Variants in NUAK2 observed in about 807,000 individuals in gnomAD.
NUAK2 encodes NUAK family SNF1-like kinase 2.
A neutral mutation model predicts 29.8 loss-of-function variants in NUAK2; 20 were observed. The observed-to-expected ratio is 0.67, with a 90% CI of 0.47 to 0.98. The LOEUF is 0.98. NUAK2 is among the 50% of genes least tolerant of loss of function. The probability of loss-of-function intolerance (pLI) is 0.00; values close to 1 mark genes in which losing one functional copy is unlikely to be tolerated. For synonymous variants in NUAK2, 331 were observed against 342.6 expected (o/e 0.97, Z 0.37); for missense variants, 719 against 834.5 (o/e 0.86, Z 1.71).
chr1:205,316,164 T>G (rs1049703639), intron 1 of NUAK2, among the ~76,000 whole-genome samples: 1 of 152,224 alleles, frequency 6.6e-6, no homozygotes, highest in Admixed American at 6.5e-5. Context: ...TTTGCCCCTA[T>G]AGAGCTATGC....
intron 1 of NUAK2, among the ~76,000 whole-genome samples, chr1:205,316,960 G>A (rs145935718): frequency 1.3e-5 from 2 of 152,210 alleles, no homozygotes; most frequent in Non-Finnish European, 2.9e-5. Flanking sequence ...CAGGACTGAA[G>A]ATGGAAGGAT....
chr1:205,308,712 T>A lies in NUAK2; in HGVS notation c.373A>T (p.Ile125Phe), dbSNP rs1662216802. ...CTGGCATACTCCATGACGATCACGATCTTGCTGCTGTTCTCAAACACTGGG... is the reference window on the plus strand; with the variant it reads ...CTGGCATACTCCATGACGATCACGAACTTGCTGCTGTTCTCAAACACTGGG... ...IHEVFENSSK[I>F]VIVMEYASRG... Residue 125 changes from isoleucine to phenylalanine, a missense_variant, in exon 3 of 7, where the codon ATC (isoleucine) becomes TTC (phenylalanine). By Grantham distance (21) the Ile-to-Phe change is conservative. This residue lies in a region of NUAK2 where 283 missense variants were observed against 345.6 expected (regional missense o/e 0.82). Transcript: ENST00000367157. The surrounding 1 kb of genome is among the most constrained non-coding windows in gnomAD (Gnocchi z 4.1). The A allele has an allele frequency of 1.2e-6, 2 of 1,614,062 alleles. No homozygotes were observed. The highest frequency in any genetic ancestry group is 1.7e-6 in the Non-Finnish European group (2 of 1,180,000).
Position 205,305,194 on chromosome 1 carries a change from C to T in NUAK2, c.823+5G>A. The T allele has an allele frequency of 1.2e-6, 2 of 1,613,474 alleles. No homozygotes were observed. Among genetic ancestry groups the T allele is most frequent in the Non-Finnish European group, 1.7e-6 (2 of 1,179,604 alleles). ...TGGATAAGAACGCCCACACCTCTTA[C>T]TCACCAGAGGGTTTAGGTGGCTCCC... On this transcript the variant is annotated splice_donor_5th_base_variant and intron_variant, in intron 6 of 6. Coordinates refer to ENST00000367157, the MANE Select transcript of NUAK2 (RefSeq NM_030952.3).
Position 205,308,662 on chromosome 1 carries a change from G to A in NUAK2, c.423C>T (p.Ile141=), listed in dbSNP as rs762896997. Residue 141 remains isoleucine (I), a synonymous_variant, in exon 3 of 7, where the codon ATC becomes ATT. Coordinates refer to ENST00000367157, the MANE Select transcript of NUAK2 (RefSeq NM_030952.3). The surrounding 1 kb of genome is among the most constrained non-coding windows in gnomAD (Gnocchi z 4.1). The part of the protein sequence containing the change: ...YASRGDLYDY[I]SERQQLSERE... ...GCTCACTGAGCTGCTGCCGCTCGCT[G>A]ATGTAGTCATAAAGGTCGCCCCGGC... 1.2e-6 allele frequency: 2 copies of A among 1,614,128 alleles called. No homozygotes were observed. The highest frequency in any genetic ancestry group is 1.7e-6 in the Non-Finnish European group (2 of 1,180,034).
At chr1:205,319,953 C>CACACACACA (rs1289345353) in intron 1 of NUAK2, among the ~76,000 whole-genome samples, 1,790 of 149,406 alleles carry the variant, frequency 0.012, 22 homozygotes, top group African/African-American at 0.017. Flanking sequence ...ACACACACAC[C>CACACACACA]CCCTCACAAC....
At chr1:205,311,554 C>T in intron 2 of NUAK2, 151 bp downstream of exon 2, 1 of 928,804 alleles carries the variant, frequency 1.1e-6, no homozygotes. Flanking sequence ...AGTCATACAG[C>T]TGAGTTTCAA....
Position 205,308,666 on chromosome 1 carries a change from T to C in NUAK2, c.419A>G (p.Tyr140Cys), listed in dbSNP as rs949442037. The C allele has an allele frequency of 8.7e-6, 14 of 1,614,136 alleles. No homozygotes were observed. The African/African-American group carries it at 1.3e-4, about 15-fold the overall frequency. The change falls in exon 3 of 7, where the codon TAC becomes TGC. Residue 140 changes from tyrosine (Y) to cysteine (C), a missense_variant. By Grantham distance (194) the Tyr-to-Cys change is radical (BLOSUM62 -2). Transcript: ENST00000367157. The surrounding 1 kb of genome is among the most constrained non-coding windows in gnomAD (Gnocchi z 4.1). ...ACTGAGCTGCTGCCGCTCGCTGATGTAGTCATAAAGGTCGCCCCGGCTGGC... is the reference window on the plus strand; with the variant it reads ...ACTGAGCTGCTGCCGCTCGCTGATGCAGTCATAAAGGTCGCCCCGGCTGGC... ...EYASRGDLYD[Y>C]ISERQQLSER... is the part of the protein sequence containing the mutation.
chr1:205,312,845 G>GTAATT (rs1662274459), intron 1 of NUAK2, among the ~76,000 whole-genome samples: 1 of 152,102 alleles, frequency 6.6e-6, no homozygotes, highest in African/African-American at 2.4e-5. Context: ...ATTACATGTG[G>GTAATT]TACGTCCATA....
rs1662420855 is a variant in NUAK2 at position 205,321,603 on chromosome 1, C to A, written c.26G>T (p.Arg9Leu). Reference protein sequence around the residue: MESLVFARRSGPTPSAAEL... With the variant: MESLVFARLSGPTPSAAEL... ...TGCGGCCGAGGGAGTGGGGCCGGAG[C>A]GCCGCGCGAAAACCAGCGACTCCAT... The change falls in exon 1 of 7, where the codon CGC becomes CTC. Residue 9 changes from arginine (R) to leucine (L), a missense_variant. Transcript: ENST00000367157. 3 of 1,611,412 alleles carry A rather than the reference C, an allele frequency of 1.9e-6. No individual in the cohort carries two copies. The highest frequency in any genetic ancestry group is 1.7e-4 in the Middle Eastern group (1 of 6,056).
intron 1 of NUAK2, among the ~76,000 whole-genome samples, chr1:205,320,857 A>G (rs1347209107): frequency 1.3e-5 from 2 of 151,952 alleles, no homozygotes; most frequent in Non-Finnish European, 2.9e-5. Flanking sequence ...TGAAATTTCA[A>G]CTAAATTTTA....
In NUAK2 at chr1:205,308,825, AC is replaced by A; in HGVS notation, c.353-94del. ...ACTCCTCCCCGACCCCAGGCCCCAA[AC>A]CAGACAGGACCCCCCTCCAGGAATA... On this transcript the variant is annotated intron_variant, in intron 2 of 6. Transcript: ENST00000367157. This position sits in a 1 kb window ranked among gnomAD's most constrained non-coding sequence, Gnocchi z 4.1. The A allele has an allele frequency of 6.5e-6, 9 of 1,382,000 alleles. No individual in the cohort carries two copies. The African/African-American group carries it at 1.1e-4, about 17-fold the overall frequency. 85.6% of individuals were successfully genotyped at this position (1,382,000 alleles called of 1,614,324 possible). A position where few individuals can be genotyped will look rare whatever the true frequency, so the allele number is the denominator to read the frequency against.
At chr1:205,317,366 G>A (rs568168121) in intron 1 of NUAK2, among the ~76,000 whole-genome samples, 1 of 152,328 alleles carries the variant, frequency 6.6e-6, no homozygotes, top group Non-Finnish European at 1.5e-5. Flanking sequence ...GCCTTTTGTG[G>A]AGCAGCTGCT....
At chr1:205,314,725 A>T (rs542831677) in intron 1 of NUAK2, among the ~76,000 whole-genome samples, 1 of 152,258 alleles carries the variant, frequency 6.6e-6, no homozygotes, top group African/African-American at 2.4e-5. Flanking sequence ...GATCAATCAT[A>T]TATAAACATG....
At position 205,305,331 on chromosome 1, in the gene NUAK2, C is replaced by T; in HGVS notation, c.691G>A (p.Val231Met). 1.2e-6 allele frequency: 2 copies of T among 1,613,208 alleles called. No homozygotes were observed. The highest frequency in any genetic ancestry group is 1.7e-6 in the Non-Finnish European group (2 of 1,179,654). ...AGAACACCCAGGGACCAGCTGTCCA[C>T]CTGAGAGAGATGGGGGAGGTCAGCA... ...VNGKPYTGPE[V>M]DSWSLGVLLY... is the part of the protein sequence containing the mutation. Residue 231 changes from valine (V) to methionine (M), a missense_variant and splice_region_variant, in exon 6 of 7, where the codon GTG becomes ATG. Val to Met is a conservative substitution (Grantham distance 21, BLOSUM62 1). Around this residue, in one of 3 missense-constraint regions of NUAK2, gnomAD observed 283 missense variants for 345.6 expected, o/e 0.82. Coordinates refer to ENST00000367157, the MANE Select transcript of NUAK2 (RefSeq NM_030952.3).
Position 205,308,489 on chromosome 1 carries a change from TG to T in NUAK2, c.504+91del. On this transcript the variant is annotated intron_variant, in intron 3 of 6. Transcript: ENST00000367157. This position sits in a 1 kb window ranked among gnomAD's most constrained non-coding sequence, Gnocchi z 4.1. ...TTTTGCCTCTGTTTCTGTGTGATCC[TG>T]GACAAGTCATGGAACCTCTCTGGTC... is the stretch of plus-strand genomic sequence containing the variant. 1 of 1,394,058 alleles carries T rather than the reference TG, an allele frequency of 7.2e-7. No individual in the cohort carries two copies. The highest frequency in any genetic ancestry group is 1.2e-5 in the South Asian group (1 of 80,664). 86.4% of individuals were successfully genotyped at this position (1,394,058 alleles called of 1,614,324 possible). A position where few individuals can be genotyped will look rare whatever the true frequency, so the allele number is the denominator to read the frequency against.
chr1:205,310,671 TAC>T (rs1007818191), intron 2 of NUAK2, among the ~76,000 whole-genome samples: 3 of 151,832 alleles, frequency 2.0e-5, no homozygotes, highest in African/African-American at 4.8e-5. Context: ...AGAATTCATA[TAC>T]ACACACACAC....
At chr1:205,309,353 G>A (rs1306570368) in intron 2 of NUAK2, among the ~76,000 whole-genome samples, 1 of 152,130 alleles carries the variant, frequency 6.6e-6, no homozygotes, top group Non-Finnish European at 1.5e-5. Context: ...TTGAGACAGA[G>A]TCTCGCTCTG....
intron 4 of NUAK2, 85 bp from the exon 5 acceptor site, chr1:205,306,392 T>G: frequency 6.6e-7 from 1 of 1,508,566 alleles, no homozygotes; most frequent in Non-Finnish European, 8.9e-7. Context: ...CTCCAGACCC[T>G]GGGGAAACCC....
At chr1:205,318,881 A>G (rs914593874) in intron 1 of NUAK2, among the ~76,000 whole-genome samples, 4 of 152,226 alleles carry the variant, frequency 2.6e-5, no homozygotes, top group African/African-American at 4.8e-5. Context: ...TCTGGCCCTG[A>G]TAATCCCATC....
Sources: allele counts gnomAD v4.1 joint callset (sites outside exome capture counted in the v4.1 genomes callset), GRCh38; gene constraint gnomAD v4.1.1; regional missense constraint gnomAD v4.1.1; non-coding constraint Gnocchi (gnomAD v3.1); transcripts MANE v1.5; gene names NCBI Gene and HGNC (gene_info 2026-07-23, HGNC 2026-07-21).